BPTF: variants seen among roughly 807,000 people sequenced by gnomAD.
BPTF encodes bromodomain PHD finger transcription factor.
Under a neutral mutation model 292.5 loss-of-function variants are expected in BPTF, and 18 were observed. The observed-to-expected ratio is 0.06, with a 90% CI of 0.04 to 0.09. The LOEUF (loss-of-function observed/expected upper bound fraction) is 0.09, where lower values mean the gene tolerates loss of function less well. BPTF is among the 10% of genes least tolerant of loss of function. The pLI is 1.00. For synonymous variants in BPTF, 1,225 were observed against 1,251.9 expected, an observed-to-expected ratio of 0.98 and a Z score of 0.45; for missense variants, 2,726 against 3,498.7, an observed-to-expected ratio of 0.78 and a Z score of 5.57.
At chr17:67,834,241 C>T (rs1598113307) in intron 1 of BPTF, among the ~76,000 whole-genome samples, 2 of 152,126 alleles carry the variant, frequency 1.3e-5, no homozygotes, top group East Asian at 3.8e-4. Context: ...CCTTCTGTTA[C>T]TGATTTCTAA....
chr17:67,830,752 C>G (rs2056598203), intron 1 of BPTF, among the ~76,000 whole-genome samples: 1 of 152,144 alleles, frequency 6.6e-6, no homozygotes, highest in Non-Finnish European at 1.5e-5. Context: ...ACCAAAGCTC[C>G]TTTGTATGCT....
At chr17:67,896,163 C>CCT (rs966064877) in intron 7 of BPTF, among the ~76,000 whole-genome samples, 2 of 152,080 alleles carry the variant, frequency 1.3e-5, no homozygotes, top group Non-Finnish European at 2.9e-5. Context: ...GGGGTTTCAC[C>CCT]GTGTTAGCCA....
intron 2 of BPTF, among the ~76,000 whole-genome samples, chr17:67,861,061 C>T (rs2128792): frequency 0.2 from 31,011 of 152,124 alleles, 3,967 homozygotes; most frequent in East Asian, 0.66. Flanking sequence ...GCACCTCAAA[C>T]GTGTTTAAAA....
rs543574039 is a variant in BPTF at position 67,847,674 on chromosome 17, C to CA, written c.614-6249dup. Among the ~76,000 whole-genome samples the CA allele has an allele frequency of 8.2e-3, 428 of 52,122 alleles. 1 individual carries two copies. The highest frequency in any genetic ancestry group is 0.022 in the South Asian group (34 of 1,552). 34.2% of individuals were successfully genotyped at this position (52,122 alleles called of 152,430 possible). ...TGGGCGACAGAGCCAGACTCCGTCTCAAAAAAAAAAAAAAAAAGAAAAAAG... is the reference window on the plus strand; with the variant it reads ...TGGGCGACAGAGCCAGACTCCGTCTCAAAAAAAAAAAAAAAAAAGAAAAAAG... On this transcript the variant is annotated intron_variant, in intron 1 of 27. Coordinates refer to ENST00000306378, the MANE Select transcript of BPTF (RefSeq NM_182641.4).
chr17:67,933,568 AAAAAAAAG>A (rs1157098367), intron 18 of BPTF, among the ~76,000 whole-genome samples: 3 of 151,952 alleles, frequency 2.0e-5, no homozygotes, highest in Admixed American at 6.6e-5. Context: ...GACCTGTTTA[AAAAAAAAG>A]AAAAAAAGAA....
chr17:67,982,973 G>C lies in BPTF; in HGVS notation c.*685G>C, dbSNP rs1555697550. 6.6e-6 allele frequency: 1 copy of C among 152,220 alleles called. No individual in the cohort carries two copies. The highest frequency in any genetic ancestry group is 1.5e-5 in the Non-Finnish European group (1 of 68,044). 9.4% of individuals were successfully genotyped at this position (152,220 alleles called of 1,614,324 possible). ...TAAGTGGTCCTGGACTACAGACTCT[G>C]TTGCCTTGAATATAACAGTACAATT... On this transcript the variant is annotated 3_prime_UTR_variant, in exon 28 of 28. Coordinates refer to ENST00000306378, the MANE Select transcript of BPTF (RefSeq NM_182641.4).
chr17:67,926,316 CTTTTTTT>C (rs869295387), intron 15 of BPTF, among the ~76,000 whole-genome samples: 6 of 83,856 alleles, frequency 7.2e-5, no homozygotes, highest in African/African-American at 1.7e-4. Context: ...TAATATACTA[CTTTTTTT>C]TTTTTTTTTT....
chr17:67,862,301 T>A (rs1041224664), intron 2 of BPTF, among the ~76,000 whole-genome samples: 3 of 152,172 alleles, frequency 2.0e-5, no homozygotes, highest in African/African-American at 7.2e-5. Flanking sequence ...AGGTAAATAT[T>A]ATACACTTCA....
rs973634933 is a variant in BPTF, at chr17:67,929,551, A to C, written c.6150+64A>C. The C allele has an allele frequency of 3.9e-6, 6 of 1,528,612 alleles. No individual in the cohort carries two copies. The Admixed American group carries it at 7.9e-5, about 20-fold the overall frequency. The allele number at this position is 1,528,612 out of a possible 1,614,324, so 94.7% of individuals were successfully genotyped here. A position where few individuals can be genotyped will look rare whatever the true frequency, so the allele number is the denominator to read the frequency against. On this transcript the variant is annotated intron_variant, in intron 17 of 27. Coordinates refer to ENST00000306378, the MANE Select transcript of BPTF (RefSeq NM_182641.4). ...AGCACATCACATTATTTTTAGAATG[A>C]CTTCTTCCAAGATTAATCCAACTCA...
At chr17:67,947,927 G>A in intron 22 of BPTF, 119 bp downstream of exon 22, 2 of 1,234,428 alleles carry the variant, frequency 1.6e-6, no homozygotes, top group Non-Finnish European at 1.1e-6. Flanking sequence ...AGAACACTTG[G>A]CACTAATAGT....
rs1555674903 is a variant in BPTF at position 67,945,960 on chromosome 17, C to G, written c.7252C>G (p.Pro2418Ala). ...TTTAAATCAAGTTACTGTTTCATCC[C>G]CATCCCGTCCTCAGCTACAAATACA... ...QTLNQVTVSSPSRPQLQIQQP... is the reference protein window; with the variant it reads ...QTLNQVTVSSASRPQLQIQQP... Residue 2418 changes from proline to alanine, a missense_variant, in exon 21 of 28, where the codon CCA becomes GCA. Pro to Ala is a conservative substitution (Grantham distance 27). Transcript: ENST00000306378. 1.9e-6 allele frequency: 3 copies of G among 1,614,188 alleles called. No homozygotes were observed. Among genetic ancestry groups the G allele is most frequent in the Non-Finnish European group, 2.5e-6 (3 of 1,180,036 alleles).
chr17:67,825,665 G>A lies in BPTF; in HGVS notation c.-60G>A, dbSNP rs1459253692. On this transcript the variant is annotated 5_prime_UTR_variant, in exon 1 of 28. Coordinates refer to ENST00000306378, the MANE Select transcript of BPTF (RefSeq NM_182641.4). The stretch of plus-strand genomic sequence containing the variant: ...CCACCCGGCCCCGGCGCTCCCCACC[G>A]CCCCCCCTGCGCCCGCCCCTCCCCC... 2 of 92,258 alleles carry A rather than the reference G, an allele frequency of 2.2e-5. No individual in the cohort carries two copies. The highest frequency in any genetic ancestry group is 4.1e-5 in the Non-Finnish European group (2 of 48,842). 5.7% of individuals were successfully genotyped at this position (92,258 alleles called of 1,614,324 possible).
At chr17:67,940,730 C>A in intron 19 of BPTF, 74 bp downstream of exon 19, 1 of 1,460,376 alleles carries the variant, frequency 6.8e-7, no homozygotes, top group Non-Finnish European at 9.4e-7. Context: ...AAAACATGAA[C>A]TTATTTTGAT....
chr17:67,894,835 TC>T (rs2061340957), intron 7 of BPTF, among the ~76,000 whole-genome samples: 1 of 152,148 alleles, frequency 6.6e-6, no homozygotes, highest in Non-Finnish European at 1.5e-5. Flanking sequence ...CAACCAAAGA[TC>T]ATATAGCTCC....
intron 18 of BPTF, among the ~76,000 whole-genome samples, chr17:67,932,578 G>T (rs530436558): frequency 6.6e-6 from 1 of 152,198 alleles, no homozygotes; most frequent in Admixed American, 6.5e-5. Context: ...TCATGCACCT[G>T]TAATCCCAGC....
intron 7 of BPTF, among the ~76,000 whole-genome samples, 171 bp downstream of exon 7, chr17:67,894,336 C>T (rs1334170720): frequency 6.7e-6 from 1 of 148,774 alleles, no homozygotes; most frequent in East Asian, 2.0e-4. Flanking sequence ...TTAGTTCTTT[C>T]TTTTTTTTTT....
intron 7 of BPTF, among the ~76,000 whole-genome samples, chr17:67,898,160 A>G (rs1443817596): frequency 6.6e-6 from 1 of 152,194 alleles, no homozygotes; most frequent in Non-Finnish European, 1.5e-5. Flanking sequence ...ACTTGAGCCC[A>G]GGAGTTTAAG....
chr17:67,920,571 T>C (rs2063365925), intron 13 of BPTF, among the ~76,000 whole-genome samples: 1 of 152,162 alleles, frequency 6.6e-6, no homozygotes, highest in Admixed American at 6.5e-5. Context: ...CCAAGAGGCA[T>C]AAAGAGTTAC....
Position 67,975,479 on chromosome 17 carries a change from G to C in BPTF, c.8540-293G>C, listed in dbSNP as rs2069297165. The C allele has an allele frequency of 1.8e-5, 5 of 271,232 alleles. 1 individual carries two copies. The South Asian group carries it at 3.9e-4, about 21-fold the overall frequency. The allele number at this position is 271,232 out of a possible 1,614,324, so 16.8% of individuals were successfully genotyped here. A position where few individuals can be genotyped will look rare whatever the true frequency, so the allele number is the denominator to read the frequency against. On this transcript the variant is annotated intron_variant, in intron 26 of 27. Transcript: ENST00000306378. ...TACTTAGATATGCATAGAGCATGTC[G>C]GTGTGTTTCCTTGATTTCAAACCAT...
Sources: gnomAD v4.1 joint callset for allele counts (sites outside exome capture counted in the v4.1 genomes callset) on GRCh38, gnomAD v4.1.1 for gene constraint, MANE v1.5 for transcripts, NCBI Gene and HGNC (gene_info 2026-07-23, HGNC 2026-07-21) for gene names.